The following PDE5A variants were observed in gnomAD, a reference collection of about 807,000 sequenced individuals.
The protein encoded by PDE5A is phosphodiesterase 5A.
In PDE5A, 67 loss-of-function variants were observed where a neutral mutation model predicts 110.2. The observed-to-expected ratio is 0.61, with a 90% CI of 0.50 to 0.75. The LOEUF is 0.75. Among genes scored for constraint, PDE5A ranks in the 30% least tolerant of loss-of-function variants. The pLI is 0.00. For missense variants in PDE5A, 862 were observed against 1,045.1 expected (o/e 0.82, Z 2.42); for synonymous variants, 328 against 351.2 (o/e 0.93, Z 0.74).
intron 12 of PDE5A, among the ~76,000 whole-genome samples, chr4:119,523,233 A>G (rs1726193485): frequency 6.6e-6 from 1 of 152,072 alleles, no homozygotes; most frequent in Non-Finnish European, 1.5e-5. Context: ...AAAGATAAAA[A>G]GTGAAAATAA....
chr4:119,501,539 T>TCTGA (rs1725334665), intron 19 of PDE5A, among the ~76,000 whole-genome samples: 1 of 152,180 alleles, frequency 6.6e-6, no homozygotes. Flanking sequence ...CCTCAAGGGA[T>TCTGA]CTGACTGCCT....
At chr4:119,625,766 A>G (rs188702967) in intron 1 of PDE5A, among the ~76,000 whole-genome samples, 7 of 152,272 alleles carry the variant, frequency 4.6e-5, no homozygotes, top group African/African-American at 1.7e-4. Flanking sequence ...GTTAAAACGT[A>G]TGCAATAAGT....
At chr4:119,580,526 C>T (rs1728553520) in intron 3 of PDE5A, among the ~76,000 whole-genome samples, 1 of 152,186 alleles carries the variant, frequency 6.6e-6, no homozygotes, top group Non-Finnish European at 1.5e-5. Context: ...TTGCAACATT[C>T]TCATAAGGAG....
chr4:119,569,679 T>G (rs1334820184), intron 3 of PDE5A: 6 of 152,518 alleles, frequency 3.9e-5, no homozygotes, highest in Admixed American at 3.9e-4. Context: ...CACATTATAT[T>G]AGGTAGTATA....
intron 16 of PDE5A, among the ~76,000 whole-genome samples, chr4:119,506,882 C>G (rs943696695): frequency 4.0e-5 from 6 of 151,786 alleles, no homozygotes; most frequent in Admixed American, 2.0e-4. Context: ...CTAAGAGTAA[C>G]TACAACCATG....
chr4:119,617,951 C>T (rs1729998467), intron 1 of PDE5A, among the ~76,000 whole-genome samples: 1 of 152,076 alleles, frequency 6.6e-6, no homozygotes, highest in Non-Finnish European at 1.5e-5. Context: ...AATGTGCTTC[C>T]ACAGAAAGAG....
intron 1 of PDE5A, among the ~76,000 whole-genome samples, chr4:119,618,765 T>C (rs1033158729): frequency 6.6e-6 from 1 of 152,108 alleles, no homozygotes; most frequent in Non-Finnish European, 1.5e-5. Flanking sequence ...AATTCTAAAC[T>C]GGAGCACAGT....
chr4:119,623,765 T>C (rs1730245008), intron 1 of PDE5A, among the ~76,000 whole-genome samples: 1 of 152,196 alleles, frequency 6.6e-6, no homozygotes, highest in Non-Finnish European at 1.5e-5. Flanking sequence ...TGACAATTTC[T>C]ACAGATCATC....
intron 5 of PDE5A, among the ~76,000 whole-genome samples, chr4:119,563,531 G>A (rs886161702): frequency 1.3e-5 from 2 of 152,036 alleles, no homozygotes; most frequent in East Asian, 1.9e-4. Flanking sequence ...TGGAGGTGAC[G>A]CTATCCTAGC....
chr4:119,567,547 C>T (rs539038949), intron 3 of PDE5A, among the ~76,000 whole-genome samples: 20 of 152,134 alleles, frequency 1.3e-4, no homozygotes, highest in Middle Eastern at 3.4e-3. Context: ...TATTCCAAAA[C>T]GGCTAAATGC....
rs752263592 is a variant in PDE5A at position 119,498,697 on chromosome 4, A to G, written c.2532T>C (p.Asp844=). The change falls in exon 21 of 21, where the codon GAT becomes GAC. Residue 844 remains aspartate, a synonymous_variant. Coordinates refer to ENST00000354960, the MANE Select transcript of PDE5A (RefSeq NM_001083.4). ...ATTTCTGCCTGTTCTTTCTGCAGCC[A>G]TCTAGCAAAGGGAAACAGTCCTCTG... ...HVSEDCFPLL[D]GCRKNRQKWQ... 4 of 1,613,952 alleles carry G rather than the reference A, an allele frequency of 2.5e-6. No homozygotes were observed. The South Asian group carries it at 3.3e-5, about 13-fold the overall frequency.
In PDE5A at chr4:119,589,133, G is replaced by GGAATTCAGAGAAATTTCAGAGAATTCAGA. The variant is rs1292123821; in HGVS notation, c.831+7361_831+7389dup. Among the ~76,000 whole-genome samples the GGAATTCAGAGAAATTTCAGAGAATTCAGA allele has an allele frequency of 7.7e-4, 117 of 151,912 alleles. 1 individual carries two copies. Among genetic ancestry groups the GGAATTCAGAGAAATTTCAGAGAATTCAGA allele is most frequent in the Non-Finnish European group, 6.9e-4 (47 of 67,984 alleles). Reference sequence around the variant, plus strand: ...AGAAATTTTCAGAGAAAATTCTTGAGGAATTCAGAGAAATTTCAGAGAATT... The same window carrying GGAATTCAGAGAAATTTCAGAGAATTCAGA: ...AGAAATTTTCAGAGAAAATTCTTGAGGAATTCAGAGAAATTTCAGAGAATTCAGAGAATTCAGAGAAATTTCAGAGAATT... On this transcript the variant is annotated intron_variant, in intron 3 of 20. Transcript: ENST00000354960.
At chr4:119,521,747 A>AGAT (rs1726137004) in intron 12 of PDE5A, among the ~76,000 whole-genome samples, 1 of 152,022 alleles carries the variant, frequency 6.6e-6, no homozygotes, top group South Asian at 2.1e-4. Context: ...ACACTTTAAA[A>AGAT]GATGGCCGGG....
At chr4:119,535,298 A>G (rs1726691090) in intron 11 of PDE5A, among the ~76,000 whole-genome samples, 1 of 152,090 alleles carries the variant, frequency 6.6e-6, no homozygotes, top group South Asian at 2.1e-4. Flanking sequence ...TCCCCTTTCT[A>G]TCTAACCTAA....
intron 14 of PDE5A, among the ~76,000 whole-genome samples, chr4:119,515,607 A>G (rs1234661537): frequency 2.0e-5 from 3 of 152,132 alleles, no homozygotes; most frequent in Non-Finnish European, 4.4e-5. Flanking sequence ...ACACATATAC[A>G]TATTTCCCAG....
intron 1 of PDE5A, among the ~76,000 whole-genome samples, chr4:119,615,708 GCATCTGTAGCTTTTAC>G (rs1487279652): frequency 2.0e-5 from 3 of 151,750 alleles, no homozygotes; most frequent in Non-Finnish European, 4.4e-5. Flanking sequence ...TTCCATTGAA[GCATCTGTAGCTTTTAC>G]CACAAGTACT....
At chr4:119,620,189 C>T (rs868761851) in intron 1 of PDE5A, among the ~76,000 whole-genome samples, 2 of 152,136 alleles carry the variant, frequency 1.3e-5, no homozygotes, top group South Asian at 2.1e-4. Flanking sequence ...TTAAACAAAA[C>T]GGGAGATTTT....
At chr4:119,594,289 T>C (rs541180448) in intron 3 of PDE5A, among the ~76,000 whole-genome samples, 6 of 152,212 alleles carry the variant, frequency 3.9e-5, no homozygotes, top group Non-Finnish European at 8.8e-5. Flanking sequence ...ATCCTGACTG[T>C]TGGAGAAATT....
intron 1 of PDE5A, among the ~76,000 whole-genome samples, chr4:119,608,996 T>C (rs1352829050): frequency 6.6e-6 from 1 of 151,798 alleles, no homozygotes; most frequent in African/African-American, 2.4e-5. Context: ...CCGTCTCTAC[T>C]AAAAATACAA....
Sources: allele counts gnomAD v4.1 joint callset (sites outside exome capture counted in the v4.1 genomes callset), GRCh38; gene constraint gnomAD v4.1.1; transcripts MANE v1.5; gene names NCBI Gene and HGNC (gene_info 2026-07-23, HGNC 2026-07-21).